MOSMO: variants seen among roughly 807,000 people sequenced by gnomAD.
MOSMO encodes modulator of smoothened.
Under a neutral mutation model 18.4 loss-of-function variants are expected in MOSMO, and 5 were observed. That is an observed-to-expected ratio of 0.27 (90% CI 0.14 to 0.57). The LOEUF is 0.57. Ranked by LOEUF, MOSMO falls within the 20% of genes least tolerant of loss-of-function variation. The pLI is 0.92. For synonymous variants in MOSMO, 82 were observed against 82.3 expected, an observed-to-expected ratio of 1.00 and a Z score of 0.02; for missense variants, 138 against 211.8, an observed-to-expected ratio of 0.65 and a Z score of 2.16.
intron 1 of MOSMO, among the ~76,000 whole-genome samples, chr16:22,039,232 A>G (rs1900166143): frequency 6.6e-6 from 1 of 152,222 alleles, no homozygotes; most frequent in Non-Finnish European, 1.5e-5. Flanking sequence ...TTTGGGATAC[A>G]TGATACATGT....
rs537538239 is a variant in MOSMO at position 22,081,768 on chromosome 16, A to T, written c.*888A>T. The T allele has an allele frequency of 6.6e-6, 1 of 152,110 alleles. No homozygotes were observed. The highest frequency in any genetic ancestry group is 1.9e-4 in the East Asian group (1 of 5,190). The allele number at this position is 152,110 out of a possible 1,614,324, so 9.4% of individuals were successfully genotyped here. On this transcript the variant is annotated 3_prime_UTR_variant, in exon 3 of 3. Coordinates refer to ENST00000542527, the MANE Select transcript of MOSMO (RefSeq NM_001164579.2). ...AATAGAAAAAAAAGCCATTTATCTG[A>T]AGGCTGCATAGTGGAGAGAGTCTTC...
intron 1 of MOSMO, among the ~76,000 whole-genome samples, chr16:22,069,699 G>A (rs1900811170): frequency 1.3e-5 from 2 of 152,148 alleles, no homozygotes; most frequent in Admixed American, 6.6e-5. Flanking sequence ...ATGGTAGTTG[G>A]GGCAAAAGCC....
At chr16:22,008,567 A>T (rs560743107) in intron 1 of MOSMO, among the ~76,000 whole-genome samples, 160 bp downstream of exon 1, 1 of 150,228 alleles carries the variant, frequency 6.7e-6, no homozygotes, top group South Asian at 2.1e-4. Flanking sequence ...GAGGAAAGGG[A>T]TGGAGGAGAG....
chr16:22,016,648 T>C (rs1342401438), intron 1 of MOSMO, among the ~76,000 whole-genome samples: 1 of 152,176 alleles, frequency 6.6e-6, no homozygotes, highest in African/African-American at 2.4e-5. Flanking sequence ...CCTAGCATAG[T>C]GGAAATGGCA....
intron 1 of MOSMO, among the ~76,000 whole-genome samples, chr16:22,047,349 A>G (rs1007693091): frequency 6.8e-6 from 1 of 146,392 alleles, no homozygotes; most frequent in Non-Finnish European, 1.5e-5. Flanking sequence ...GGTTCATGCC[A>G]TTCTCCTGTC....
Position 22,050,401 on chromosome 16 carries a change from G to C in MOSMO, c.107-25086G>C, listed in dbSNP as rs146481476. On this transcript the variant is annotated intron_variant, in intron 1 of 2. Coordinates refer to ENST00000542527, the MANE Select transcript of MOSMO (RefSeq NM_001164579.2). ...TGAAGGTAAACCTGTTTCTAGAGCA[G>C]AGATTCTCAACTAGGGACAGTTTTG... 2.5e-3 allele frequency among the ~76,000 whole-genome samples: 387 copies of C among 152,298 alleles called. 2 individuals carry two copies. Among genetic ancestry groups the C allele is most frequent in the Middle Eastern group, 0.01 (3 of 294 alleles).
intron 1 of MOSMO, among the ~76,000 whole-genome samples, chr16:22,040,734 A>G (rs1211796910): frequency 6.6e-6 from 1 of 152,240 alleles, no homozygotes; most frequent in East Asian, 1.9e-4. Flanking sequence ...TCTAGAAAGA[A>G]TAAAGGGCCT....
intron 1 of MOSMO, among the ~76,000 whole-genome samples, chr16:22,010,098 T>A (rs1056220907): frequency 1.3e-5 from 2 of 152,192 alleles, no homozygotes; most frequent in South Asian, 2.1e-4. Flanking sequence ...AGAAAAAAAG[T>A]GGTAGCTGGG....
rs1901124446 is a variant in MOSMO, at chr16:22,083,807, T to C, written c.*2927T>C. The C allele has an allele frequency of 2.6e-6, 1 of 386,130 alleles. No individual in the cohort carries two copies. The allele number at this position is 386,130 out of a possible 1,614,324, so 23.9% of individuals were successfully genotyped here. ...CTCCTATTGAACATACCCAAACATC[T>C]GTAAACATGAAAAATCTTCAATTTA... On this transcript the variant is annotated 3_prime_UTR_variant, in exon 3 of 3. Coordinates refer to ENST00000542527, the MANE Select transcript of MOSMO (RefSeq NM_001164579.2).
chr16:22,080,791 G>C lies in MOSMO; in HGVS notation c.415G>C (p.Val139Leu), dbSNP rs1286249361. ...TTATAAATTACCCAACAACACAGTA[G>C]TTGGGTCATCATATGTACTTTTTGT... is the stretch of plus-strand genomic sequence containing the variant. Reference protein sequence around the residue: ...QPYKLPNNTVVGSSYVLFVLS... With the variant: ...QPYKLPNNTVLGSSYVLFVLS... The change falls in exon 3 of 3, where the codon GTT (valine) becomes CTT (leucine). Residue 139 changes from valine to leucine, a missense_variant. Val to Leu is a conservative substitution (Grantham distance 32). Coordinates refer to ENST00000542527, the MANE Select transcript of MOSMO (RefSeq NM_001164579.2). The C allele has an allele frequency of 6.7e-7, 1 of 1,494,286 alleles. No individual in the cohort carries two copies. The highest frequency in any genetic ancestry group is 8.9e-7 in the Non-Finnish European group (1 of 1,128,122). 92.6% of individuals were successfully genotyped at this position (1,494,286 alleles called of 1,614,324 possible).
chr16:22,072,452 T>A (rs932777139), intron 1 of MOSMO, among the ~76,000 whole-genome samples: 11 of 152,226 alleles, frequency 7.2e-5, no homozygotes, highest in African/African-American at 2.4e-4. Context: ...TTACTGAATG[T>A]GTGAGCATAT....
intron 1 of MOSMO, among the ~76,000 whole-genome samples, chr16:22,034,073 TA>T (rs1900053128): frequency 6.6e-6 from 1 of 152,216 alleles, no homozygotes; most frequent in African/African-American, 2.4e-5. Flanking sequence ...AGAACTAATC[TA>T]AGTTCACTTT....
At chr16:22,018,084 A>G (rs192042724) in intron 1 of MOSMO, among the ~76,000 whole-genome samples, 4 of 152,216 alleles carry the variant, frequency 2.6e-5, no homozygotes, top group African/African-American at 4.8e-5. Flanking sequence ...GTGTCTCATT[A>G]TACTAGCTTT....
chr16:22,044,168 G>C (rs1900263713), intron 1 of MOSMO, among the ~76,000 whole-genome samples: 1 of 152,074 alleles, frequency 6.6e-6, no homozygotes, highest in South Asian at 2.1e-4. Context: ...TTTCAATCAA[G>C]ATGAGATTTG....
chr16:22,087,655 A>G (rs1901211460), downstream of MOSMO: 1 of 152,204 alleles, frequency 6.6e-6, no homozygotes, highest in South Asian at 2.1e-4. Flanking sequence ...GCTTTTGACT[A>G]CCTCATCTTC....
At chr16:22,090,404 G>C (rs1723779496), downstream of MOSMO, among the ~76,000 whole-genome samples, 1 of 151,990 alleles carries the variant, frequency 6.6e-6, no homozygotes, top group Non-Finnish European at 1.5e-5. Context: ...TCTTTTAACT[G>C]AAATAAGCTT....
downstream of MOSMO, among the ~76,000 whole-genome samples, chr16:22,092,030 G>A (rs766262224): frequency 3.3e-5 from 5 of 152,148 alleles, no homozygotes; most frequent in South Asian, 1.0e-3. Context: ...TGGGCATCCG[G>A]GCTTAGGAAC....
intron 1 of MOSMO, among the ~76,000 whole-genome samples, chr16:22,042,145 T>C (rs1191723884): frequency 6.6e-6 from 1 of 152,136 alleles, no homozygotes; most frequent in Non-Finnish European, 1.5e-5. Context: ...AGAAAGGTTA[T>C]CTACTTTGGG....
At chr16:22,008,490 G>C in intron 1 of MOSMO, 83 bp downstream of exon 1, 2 of 984,528 alleles carry the variant, frequency 2.0e-6, no homozygotes, top group East Asian at 3.0e-5. Flanking sequence ...AGGAGAGGAC[G>C]GGGTGGAGGG....
Sources: gnomAD v4.1 joint callset for allele counts (sites outside exome capture counted in the v4.1 genomes callset) on GRCh38, gnomAD v4.1.1 for gene constraint, MANE v1.5 for transcripts, NCBI Gene and HGNC (gene_info 2026-07-23, HGNC 2026-07-21) for gene names.